SORCS2: variants seen among roughly 807,000 people sequenced by gnomAD.
The protein encoded by SORCS2 is VPS10 domain-containing receptor SorCS2.
In SORCS2, 100 loss-of-function variants were observed where a neutral mutation model predicts 141.6. That is an observed-to-expected ratio of 0.71 (90% CI 0.60 to 0.83). The LOEUF (loss-of-function observed/expected upper bound fraction) is 0.83, where lower values mean the gene tolerates loss of function less well. Ranked by LOEUF, SORCS2 falls within the 40% of genes least tolerant of loss-of-function variation. The pLI, the probability that SORCS2 is intolerant of heterozygous loss-of-function variation, is 0.00. For missense variants in SORCS2, 1,646 were observed against 1,560.2 expected (o/e 1.05, Z -0.93); for synonymous variants, 789 against 676.9 (o/e 1.17, Z -2.57).
At chr4:7,454,366 A>AGCTGTGTGTTGGGGTCAGGT (rs1728717325) in intron 2 of SORCS2, among the ~76,000 whole-genome samples, 3 of 24,930 alleles carry the variant, frequency 1.2e-4, no homozygotes, top group African/African-American at 1.8e-4. Flanking sequence ...TGGGGTCAGG[A>AGCTGTGTGTTGGGGTCAGGT]GCTGTGTGTT....
chr4:7,639,808 T>C (rs1472601590), intron 4 of SORCS2, among the ~76,000 whole-genome samples: 1 of 151,204 alleles, frequency 6.6e-6, no homozygotes, highest in African/African-American at 2.4e-5. Flanking sequence ...TGAGGTTGTG[T>C]TTGAGTGTGA....
chr4:7,346,624 G>A (rs897462417), intron 1 of SORCS2, among the ~76,000 whole-genome samples: 1 of 152,364 alleles, frequency 6.6e-6, no homozygotes, highest in Non-Finnish European at 1.5e-5. Context: ...ATTATTGAGA[G>A]TAGGACACTG....
intron 5 of SORCS2, among the ~76,000 whole-genome samples, chr4:7,660,494 G>A (rs1409721067): frequency 2.0e-5 from 3 of 152,214 alleles, no homozygotes; most frequent in African/African-American, 4.8e-5. Context: ...TCTGAAGCTG[G>A]GACCACCCCC....
intron 3 of SORCS2, among the ~76,000 whole-genome samples, chr4:7,555,282 C>T (rs888859217): frequency 1.3e-5 from 2 of 152,246 alleles, no homozygotes; most frequent in Non-Finnish European, 1.5e-5. Context: ...TAGGTGCAAT[C>T]GCTGTGAAAT....
At chr4:7,564,353 C>T (rs976169879) in intron 3 of SORCS2, among the ~76,000 whole-genome samples, 4 of 152,188 alleles carry the variant, frequency 2.6e-5, no homozygotes, top group African/African-American at 4.8e-5. Flanking sequence ...CCTTCCTCTC[C>T]GGAGAGCTCT....
At chr4:7,602,215 G>A (rs1400126154) in intron 3 of SORCS2, among the ~76,000 whole-genome samples, 7 of 151,980 alleles carry the variant, frequency 4.6e-5, no homozygotes, top group Non-Finnish European at 8.8e-5. Context: ...CTGCCGGGCA[G>A]AGGGGCCCTC....
intron 1 of SORCS2, among the ~76,000 whole-genome samples, chr4:7,234,787 C>A (rs768417921): frequency 3.5e-4 from 54 of 152,256 alleles, no homozygotes; most frequent in Non-Finnish European, 6.0e-4. Flanking sequence ...GACAGCGCAG[C>A]CTGCCACCCT....
chr4:7,459,757 C>T (rs1335315167), intron 2 of SORCS2, among the ~76,000 whole-genome samples: 1 of 152,236 alleles, frequency 6.6e-6, no homozygotes, highest in Non-Finnish European at 1.5e-5. Flanking sequence ...CTGCTCCCAT[C>T]ACCCTCTGGG....
intron 12 of SORCS2, among the ~76,000 whole-genome samples, chr4:7,698,343 C>T (rs1269288929): frequency 3.9e-5 from 6 of 152,356 alleles, no homozygotes; most frequent in African/African-American, 7.2e-5. Context: ...TCTGGGCACA[C>T]GTGTTGATCC....
intron 5 of SORCS2, among the ~76,000 whole-genome samples, chr4:7,656,649 C>T (rs763081233): frequency 2.3e-4 from 35 of 152,226 alleles, no homozygotes; most frequent in Admixed American, 3.3e-4. Context: ...GTGGTCTGGC[C>T]GCTTGGGCTT....
intron 1 of SORCS2, among the ~76,000 whole-genome samples, chr4:7,227,290 G>A (rs1005923305): frequency 3.9e-5 from 6 of 152,220 alleles, no homozygotes; most frequent in African/African-American, 1.4e-4. Context: ...GCTGAGGTCT[G>A]TGTTTCCCTC....
intron 2 of SORCS2, among the ~76,000 whole-genome samples, chr4:7,421,004 G>A (rs914720420): frequency 3.9e-5 from 6 of 152,202 alleles, no homozygotes; most frequent in South Asian, 2.1e-4. Context: ...TGCCATCACT[G>A]GTGTTTGGTT....
chr4:7,581,749 G>A (rs1716170533), intron 3 of SORCS2, among the ~76,000 whole-genome samples: 1 of 152,184 alleles, frequency 6.6e-6, no homozygotes, highest in Non-Finnish European at 1.5e-5. Flanking sequence ...TCTGTACACA[G>A]TGTGGACTCT....
In SORCS2 at chr4:7,697,185, T is replaced by G. The variant is rs915743809; in HGVS notation, c.1592-13T>G. 29 of 1,569,498 alleles carry G rather than the reference T, an allele frequency of 1.8e-5. No homozygotes were observed. The highest frequency in any genetic ancestry group is 2.3e-5 in the Non-Finnish European group (27 of 1,156,944). ...ATCCTAAGGGTAGTACTGCCCCTTT[T>G]CTTTTGGACCAGGTAACCTGGGCTC... On this transcript the variant is annotated splice_polypyrimidine_tract_variant and intron_variant, in intron 11 of 26. Transcript: ENST00000507866.
chr4:7,646,147 C>G (rs57589146), intron 4 of SORCS2, among the ~76,000 whole-genome samples: 16 of 152,196 alleles, frequency 1.1e-4, no homozygotes, highest in African/African-American at 2.9e-4. Context: ...GCGGCTTAGC[C>G]GAGGAGCAGG....
At chr4:7,641,797 G>GATAA (rs1720744942) in intron 4 of SORCS2, among the ~76,000 whole-genome samples, 1 of 116,106 alleles carries the variant, frequency 8.6e-6, no homozygotes, top group South Asian at 3.6e-4. Context: ...TGGATGGATG[G>GATAA]ATGGATGGAT....
intron 1 of SORCS2, among the ~76,000 whole-genome samples, chr4:7,317,981 G>C (rs1718669789): frequency 6.6e-6 from 1 of 152,202 alleles, no homozygotes; most frequent in African/African-American, 2.4e-5. Context: ...CAAACGTCTG[G>C]AGGCAGGAAC....
intron 1 of SORCS2, among the ~76,000 whole-genome samples, chr4:7,377,574 C>T (rs1031050610): frequency 1.3e-5 from 2 of 152,204 alleles, no homozygotes; most frequent in Non-Finnish European, 2.9e-5. Flanking sequence ...AGACAGGGCT[C>T]TTAATTCAAG....
chr4:7,697,147 G>T, intron 11 of SORCS2, 51 bp from the exon 12 acceptor site: 1 of 1,489,916 alleles, frequency 6.7e-7, no homozygotes, highest in Admixed American at 2.0e-5. Flanking sequence ...TGTTAAAGGG[G>T]TAAAGCTGGA....
Sources: allele counts gnomAD v4.1 joint callset (sites outside exome capture counted in the v4.1 genomes callset), GRCh38; gene constraint gnomAD v4.1.1; transcripts MANE v1.5; gene names NCBI Gene and HGNC (gene_info 2026-07-23, HGNC 2026-07-21).